The following BAZ2B variants were observed in gnomAD, a reference collection of about 807,000 sequenced individuals.
BAZ2B encodes the protein bromodomain adjacent to zinc finger domain 2B, also known as bromodomain adjacent to zinc finger domain protein 2B.
A neutral mutation model predicts 246.0 loss-of-function variants in BAZ2B; 91 were observed. The observed-to-expected ratio is 0.37, with a 90% CI of 0.31 to 0.44. The LOEUF is 0.44. Among genes scored for constraint, BAZ2B ranks in the 20% least tolerant of loss-of-function variants. The pLI, the probability that BAZ2B is intolerant of heterozygous loss-of-function variation, is 1.00. For missense variants in BAZ2B, 2,332 were observed against 2,533.7 expected, an observed-to-expected ratio of 0.92 and a Z score of 1.71; for synonymous variants, 855 against 860.0, an observed-to-expected ratio of 0.99 and a Z score of 0.10.
the BAZ2B span, among the ~76,000 whole-genome samples, chr2:159,674,644 A>T: frequency 6.6e-6 from 1 of 151,434 alleles, no homozygotes; most frequent in Non-Finnish European, 1.5e-5. Context: ...TGAACCTGGG[A>T]GGCAGAGGTT....
At chr2:159,514,446 C>T (rs1262435548) in intron 2 of BAZ2B, among the ~76,000 whole-genome samples, 1 of 152,142 alleles carries the variant, frequency 6.6e-6, no homozygotes, top group Non-Finnish European at 1.5e-5. Context: ...TTTTGTACTG[C>T]TTTATAATGC....
intron 35 of BAZ2B, among the ~76,000 whole-genome samples, chr2:159,325,187 G>C (rs921530266): frequency 7.5e-6 from 1 of 133,710 alleles, no homozygotes; most frequent in Non-Finnish European, 1.6e-5. Context: ...CTGGAGCACA[G>C]TGGCACCATC....
intron 1 of BAZ2B, among the ~76,000 whole-genome samples, chr2:159,577,706 A>G (rs1430779799): frequency 2.0e-5 from 3 of 152,216 alleles, no homozygotes; most frequent in Non-Finnish European, 4.4e-5. Flanking sequence ...GAATATCTCT[A>G]TCTTAAAACG....
intron 1 of BAZ2B, among the ~76,000 whole-genome samples, chr2:159,597,913 T>C (rs1429513267): frequency 1.3e-5 from 2 of 151,942 alleles, no homozygotes; most frequent in Non-Finnish European, 2.9e-5. Context: ...TACAGAAAAA[T>C]AAAACTTTCA....
chr2:159,424,082 T>C (rs2069306359), intron 13 of BAZ2B, among the ~76,000 whole-genome samples: 1 of 152,234 alleles, frequency 6.6e-6, no homozygotes, highest in African/African-American at 2.4e-5. Context: ...AAAAACGATT[T>C]CATTTTATTG....
At chr2:159,391,015 C>A (rs1309018811) in intron 20 of BAZ2B, among the ~76,000 whole-genome samples, 1 of 152,094 alleles carries the variant, frequency 6.6e-6, no homozygotes, top group Non-Finnish European at 1.5e-5. Flanking sequence ...CTAGCCCTTA[C>A]AAAAGGGCAG....
chr2:159,704,853 C>T, the BAZ2B span, among the ~76,000 whole-genome samples: 2 of 152,224 alleles, frequency 1.3e-5, no homozygotes, highest in East Asian at 3.9e-4. Flanking sequence ...CAGGTGCCCA[C>T]CACCACGCCC....
At chr2:159,448,482 A>G in intron 4 of BAZ2B, 73 bp from the exon 5 acceptor site, 1 of 1,474,708 alleles carries the variant, frequency 6.8e-7, no homozygotes, top group Non-Finnish European at 9.0e-7. Flanking sequence ...ATGGCTTTCT[A>G]TGTTTTATTT....
At chr2:159,669,873 T>G in the BAZ2B span, among the ~76,000 whole-genome samples, 1 of 152,230 alleles carries the variant, frequency 6.6e-6, no homozygotes, top group Non-Finnish European at 1.5e-5. Context: ...CGTTTAATAT[T>G]TAATGTGATT....
At chr2:159,660,155 T>A in the BAZ2B span, among the ~76,000 whole-genome samples, 1 of 152,206 alleles carries the variant, frequency 6.6e-6, no homozygotes, top group African/African-American at 2.4e-5. Flanking sequence ...TATTCTACTT[T>A]GTCTCTATTA....
the BAZ2B span, among the ~76,000 whole-genome samples, chr2:159,709,484 G>A: frequency 1.4e-4 from 22 of 152,280 alleles, no homozygotes; most frequent in African/African-American, 4.6e-4. Flanking sequence ...AGTCATAAAT[G>A]TTCTAGATGA....
At chr2:159,587,847 T>C (rs1559845574) in intron 1 of BAZ2B, among the ~76,000 whole-genome samples, 1 of 152,142 alleles carries the variant, frequency 6.6e-6, no homozygotes, top group African/African-American at 2.4e-5. Flanking sequence ...TAGTAGTTGC[T>C]CAATGCTGCA....
chr2:159,336,815 G>T, intron 33 of BAZ2B, 127 bp downstream of exon 33: 1 of 792,244 alleles, frequency 1.3e-6, no homozygotes, highest in Non-Finnish European at 1.8e-6. Context: ...TTTAGAATTA[G>T]AAAAACTCTC....
intron 35 of BAZ2B, 123 bp from the exon 36 acceptor site, chr2:159,325,077 T>TTATATATATATATATATATTATATA (rs1209767618): frequency 4.1e-4 from 1 of 2,444 alleles, no homozygotes; most frequent in African/African-American, 7.7e-4. Context: ...TATATATATA[T>TTATATATATATATATATATTATATA]TATATATATA....
chr2:159,607,494 T>C (rs545081801), intron 1 of BAZ2B, among the ~76,000 whole-genome samples: 1 of 152,278 alleles, frequency 6.6e-6, no homozygotes, highest in Admixed American at 6.5e-5. Flanking sequence ...CAAATAAGCC[T>C]ATCACTGAAA....
downstream of BAZ2B, among the ~76,000 whole-genome samples, chr2:159,317,004 A>ATCT (rs2062202135): frequency 3.3e-5 from 1 of 30,412 alleles, no homozygotes; most frequent in Admixed American, 4.8e-4. Flanking sequence ...CTGTCTCAAT[A>ATCT]AAATAAAATA....
intron 2 of BAZ2B, among the ~76,000 whole-genome samples, chr2:159,555,073 T>C (rs1431585110): frequency 1.1e-4 from 15 of 140,160 alleles, no homozygotes; most frequent in Non-Finnish European, 2.3e-4. Flanking sequence ...GTGGGGGGTG[T>C]GTGTGTGTGT....
At chr2:159,402,227 C>A (rs1055195132) in intron 16 of BAZ2B, among the ~76,000 whole-genome samples, 1 of 152,084 alleles carries the variant, frequency 6.6e-6, no homozygotes, top group African/African-American at 2.4e-5. Context: ...GCGGGCAGAT[C>A]ACCTGAGGTC....
chr2:159,511,486 G>C (rs193004851), intron 2 of BAZ2B, among the ~76,000 whole-genome samples: 311 of 152,258 alleles, frequency 2.0e-3, no homozygotes, highest in Non-Finnish European at 3.6e-3. Flanking sequence ...CACTACAGGC[G>C]TGAGGTGTCG....
Sources: gnomAD v4.1 joint callset for allele counts (sites outside exome capture counted in the v4.1 genomes callset) on GRCh38, gnomAD v4.1.1 for gene constraint, MANE v1.5 for transcripts, NCBI Gene and HGNC (gene_info 2026-07-23, HGNC 2026-07-21) for gene names.